The following CADPS variants were observed in gnomAD, a reference collection of about 807,000 sequenced individuals.
CADPS encodes calcium dependent secretion activator, also known as calcium-dependent secretion activator 1.
In CADPS, 57 loss-of-function variants were observed where a neutral mutation model predicts 167.3. That is an observed-to-expected ratio of 0.34 (90% CI 0.28 to 0.42). The LOEUF is 0.42. Ranked by LOEUF, CADPS falls within the 20% of genes least tolerant of loss-of-function variation. The pLI is 1.00. For missense variants in CADPS, 1,414 were observed against 1,738.1 expected, an observed-to-expected ratio of 0.81 and a Z score of 3.32; for synonymous variants, 676 against 635.3, an observed-to-expected ratio of 1.06 and a Z score of -0.96.
At chr3:62,873,495 A>C (rs1159545702) in intron 1 of CADPS, among the ~76,000 whole-genome samples, 3 of 152,006 alleles carry the variant, frequency 2.0e-5, no homozygotes, top group Non-Finnish European at 2.9e-5. Flanking sequence ...TTTCTTCACT[A>C]ACTCACTCCA....
chr3:62,560,262 A>G (rs1244502174), intron 9 of CADPS, among the ~76,000 whole-genome samples: 14 of 152,204 alleles, frequency 9.2e-5, no homozygotes, highest in Admixed American at 9.2e-4. Context: ...TGGTGGGAGA[A>G]TTGCAAAGAT....
At chr3:62,687,678 T>C (rs931002213) in intron 3 of CADPS, among the ~76,000 whole-genome samples, 2 of 151,828 alleles carry the variant, frequency 1.3e-5, no homozygotes, top group African/African-American at 4.8e-5. Context: ...AATCTTATCC[T>C]TAAATTTCAA....
At chr3:62,754,673 A>G (rs2083457969) in intron 2 of CADPS, among the ~76,000 whole-genome samples, 1 of 152,156 alleles carries the variant, frequency 6.6e-6, no homozygotes, top group South Asian at 2.1e-4. Flanking sequence ...AACTTTTTGT[A>G]GAGACAGGGT....
At chr3:62,413,780 A>G (rs933690392) in intron 28 of CADPS, among the ~76,000 whole-genome samples, 13 of 152,228 alleles carry the variant, frequency 8.5e-5, no homozygotes, top group Non-Finnish European at 1.6e-4. Flanking sequence ...CAATTAAAAG[A>G]AAGATGGGAA....
intron 3 of CADPS, among the ~76,000 whole-genome samples, chr3:62,750,123 G>A (rs1385037902): frequency 6.6e-6 from 1 of 151,930 alleles, no homozygotes; most frequent in African/African-American, 2.4e-5. Context: ...AGGCCGAGGT[G>A]GGTGGGTCAC....
At chr3:62,845,305 T>G (rs764033778) in intron 1 of CADPS, among the ~76,000 whole-genome samples, 1 of 152,158 alleles carries the variant, frequency 6.6e-6, no homozygotes, top group Non-Finnish European at 1.5e-5. Flanking sequence ...TTTCCCCAGA[T>G]AGAAGTGTTA....
At position 62,761,276 on chromosome 3, in the gene CADPS, G is replaced by A. The variant is rs145741415; in HGVS notation, c.555+4595C>T. On this transcript the variant is annotated intron_variant, in intron 2 of 29. Coordinates refer to ENST00000383710, the MANE Select transcript of CADPS (RefSeq NM_003716.4). ...ATTAGGGCTTAATTTAATCACAGTC[G>A]GTTTCTGTTGCTAGCAACTAAAGAA... Among the ~76,000 whole-genome samples, 1,166 of 151,974 alleles carry A rather than the reference G, an allele frequency of 7.7e-3. 7 individuals carry two copies. The highest frequency in any genetic ancestry group is 0.019 in the African/African-American group (799 of 41,392).
intron 28 of CADPS, among the ~76,000 whole-genome samples, chr3:62,408,589 T>C (rs60804270): frequency 0.26 from 39,879 of 152,116 alleles, 5,274 homozygotes; most frequent in Admixed American, 0.3. Context: ...TCTAATCAGC[T>C]ATATAGAGTG....
intron 3 of CADPS, among the ~76,000 whole-genome samples, chr3:62,671,008 C>A (rs1364715764): frequency 6.6e-6 from 1 of 152,208 alleles, no homozygotes; most frequent in Non-Finnish European, 1.5e-5. Context: ...ACAGTCAGAT[C>A]TGGCTTCACA....
chr3:62,708,755 C>T (rs1344185037), intron 3 of CADPS, among the ~76,000 whole-genome samples: 1 of 152,048 alleles, frequency 6.6e-6, no homozygotes, highest in Admixed American at 6.6e-5. Context: ...TAATTGCCTC[C>T]ACTGTGGGAT....
chr3:62,438,239 C>T lies in CADPS; in HGVS notation c.3670-28G>A, dbSNP rs763666780. The T allele has an allele frequency of 8.3e-5, 128 of 1,546,564 alleles. 2 individuals are homozygous for T. The Admixed American group carries it at 2.0e-3, about 24-fold the overall frequency. Reference sequence around the variant, plus strand: ...GTAAAGAAACAGGAAAACATGAAAACGAATTTTCAGACAGCCACTCTTCCT... The same window carrying T: ...GTAAAGAAACAGGAAAACATGAAAATGAATTTTCAGACAGCCACTCTTCCT... On this transcript the variant is annotated intron_variant, in intron 27 of 29. Coordinates refer to ENST00000383710, the MANE Select transcript of CADPS (RefSeq NM_003716.4). The surrounding 1 kb of genome is among the most constrained non-coding windows in gnomAD (Gnocchi z 4.7).
At chr3:62,425,044 A>C (rs1371718349) in intron 28 of CADPS, among the ~76,000 whole-genome samples, 2 of 152,196 alleles carry the variant, frequency 1.3e-5, no homozygotes, top group Admixed American at 6.5e-5. Context: ...GGGCAAGTTC[A>C]TTTTGGACCT....
At chr3:62,853,097 A>C (rs1006577455) in intron 1 of CADPS, among the ~76,000 whole-genome samples, 1 of 152,188 alleles carries the variant, frequency 6.6e-6, no homozygotes, top group Admixed American at 6.5e-5. Flanking sequence ...TTAATATTGC[A>C]CAAAGAAAAT....
At chr3:62,660,831 T>C (rs2073029091) in intron 4 of CADPS, among the ~76,000 whole-genome samples, 1 of 152,220 alleles carries the variant, frequency 6.6e-6, no homozygotes, top group Non-Finnish European at 1.5e-5. Flanking sequence ...TTTACTAAAA[T>C]AGTTTATTTT....
chr3:62,467,313 C>A, intron 24 of CADPS: 1 of 1,257,720 alleles, frequency 8.0e-7, no homozygotes, highest in South Asian at 1.3e-5. Flanking sequence ...TTTTAGCAAA[C>A]TTTCAGAAGG....
intron 1 of CADPS, among the ~76,000 whole-genome samples, chr3:62,834,031 T>A (rs1234496250): frequency 6.6e-6 from 1 of 152,178 alleles, no homozygotes; most frequent in Non-Finnish European, 1.5e-5. Flanking sequence ...TTTTTGCTGT[T>A]TTGCACATTT....
intron 1 of CADPS, among the ~76,000 whole-genome samples, chr3:62,797,116 C>G (rs1342571018): frequency 2.6e-5 from 4 of 152,090 alleles, no homozygotes; most frequent in African/African-American, 9.7e-5. Flanking sequence ...TTATCCAACC[C>G]AAAAGTTTTC....
At chr3:62,658,025 G>A (rs912025280) in intron 4 of CADPS, among the ~76,000 whole-genome samples, 1 of 152,140 alleles carries the variant, frequency 6.6e-6, no homozygotes, top group Non-Finnish European at 1.5e-5. Flanking sequence ...ACTTCTAGTG[G>A]AGAAAAGAAA....
At chr3:62,418,650 T>C (rs952154705) in intron 28 of CADPS, among the ~76,000 whole-genome samples, 2 of 151,960 alleles carry the variant, frequency 1.3e-5, no homozygotes, top group Non-Finnish European at 2.9e-5. Context: ...TGATAAATAA[T>C]GTTTTCTATA....
Sources: allele counts gnomAD v4.1 joint callset (sites outside exome capture counted in the v4.1 genomes callset), GRCh38; gene constraint gnomAD v4.1.1; non-coding constraint Gnocchi (gnomAD v3.1); transcripts MANE v1.5; gene names NCBI Gene and HGNC (gene_info 2026-07-23, HGNC 2026-07-21).